The following RLF variants were observed in gnomAD, a reference collection of about 807,000 sequenced individuals.
The protein encoded by RLF is RLF zinc finger, also known as zinc finger protein Rlf.
A neutral mutation model predicts 162.9 loss-of-function variants in RLF; 7 were observed. The ratio of observed to expected loss-of-function variants is 0.04; its 90% CI spans 0.02 to 0.08. The LOEUF is 0.08. RLF is among the 10% of genes least tolerant of loss of function. RLF has a pLI of 1.00. For synonymous variants in RLF, 782 were observed against 791.5 expected, an observed-to-expected ratio of 0.99 and a Z score of 0.20; for missense variants, 1,664 against 2,244.7, an observed-to-expected ratio of 0.74 and a Z score of 5.23.
At chr1:40,200,976 C>G (rs1294516515) in intron 4 of RLF, among the ~76,000 whole-genome samples, 1 of 123,512 alleles carries the variant, frequency 8.1e-6, no homozygotes, top group East Asian at 2.6e-4. Flanking sequence ...CTACTCTACA[C>G]ACACACACCC....
At position 40,240,219 on chromosome 1, in the gene RLF, C is replaced by T; in HGVS notation, c.5517C>T (p.Asn1839=). The T allele has an allele frequency of 6.2e-7, 1 of 1,614,124 alleles. No individual in the cohort carries two copies. Among genetic ancestry groups the T allele is most frequent in the Non-Finnish European group, 8.5e-7 (1 of 1,180,016 alleles). ...CCAGTGACTCTACAATTCATGAGAACCTGACTGCAATCCCACCTTTAATAG... is the reference window on the plus strand; with the variant it reads ...CCAGTGACTCTACAATTCATGAGAATCTGACTGCAATCCCACCTTTAATAG... ...HSSSDSTIHE[N]LTAIPPLIVA... The change falls in exon 8 of 8, where the codon AAC becomes AAT. Residue 1839 remains asparagine, a synonymous_variant. Transcript: ENST00000372771.
chr1:40,213,357 T>G (rs1359626810), intron 5 of RLF, among the ~76,000 whole-genome samples: 2 of 152,188 alleles, frequency 1.3e-5, no homozygotes, highest in African/African-American at 4.8e-5. Context: ...TGTCAAGAAT[T>G]CAGCAGGACG....
intron 5 of RLF, among the ~76,000 whole-genome samples, chr1:40,215,862 G>A (rs1046263440): frequency 3.3e-5 from 5 of 151,750 alleles, no homozygotes; most frequent in South Asian, 4.2e-4. Context: ...ATAACCTAAC[G>A]ATTCACCTTA....
intron 3 of RLF, among the ~76,000 whole-genome samples, chr1:40,191,745 A>G (rs552087689): frequency 5.3e-5 from 8 of 152,272 alleles, no homozygotes; most frequent in Admixed American, 3.9e-4. Context: ...AAATAAATGC[A>G]TGCAGTCATT....
At chr1:40,191,719 T>C (rs1642560091) in intron 3 of RLF, among the ~76,000 whole-genome samples, 1 of 152,022 alleles carries the variant, frequency 6.6e-6, no homozygotes, top group African/African-American at 2.4e-5. Context: ...CCTAAAATAA[T>C]AGGACTCGTC....
At chr1:40,203,548 AAAC>A (rs1642747669) in intron 5 of RLF, among the ~76,000 whole-genome samples, 1 of 150,046 alleles carries the variant, frequency 6.7e-6, no homozygotes, top group African/African-American at 2.5e-5. Context: ...CATCTCAAAA[AAAC>A]AACAACTATT....
At chr1:40,217,476 G>A (rs894608389) in intron 5 of RLF, among the ~76,000 whole-genome samples, 2 of 150,830 alleles carry the variant, frequency 1.3e-5, no homozygotes, top group East Asian at 3.9e-4. Context: ...GTCTCTTATA[G>A]TAAAAAACAA....
chr1:40,227,538 TATTTGGGTGGGTA>T (rs977927275), intron 6 of RLF, among the ~76,000 whole-genome samples: 16 of 152,198 alleles, frequency 1.1e-4, no homozygotes, highest in Non-Finnish European at 5.9e-5. Flanking sequence ...CATGTTTATA[TATTTGGGTGGGTA>T]ATCATTTTAC....
chr1:40,217,168 A>T (rs1642935435), intron 5 of RLF, among the ~76,000 whole-genome samples: 1 of 152,078 alleles, frequency 6.6e-6, no homozygotes, highest in African/African-American at 2.4e-5. Context: ...ATACATCTGT[A>T]AAAACTCTTA....
intron 5 of RLF, among the ~76,000 whole-genome samples, chr1:40,203,046 C>CCATGACTA (rs1332810453): frequency 6.6e-6 from 1 of 151,010 alleles, no homozygotes; most frequent in African/African-American, 2.4e-5. Context: ...ACTCTAGATT[C>CCATGACTA]CATGACTACA....
At position 40,238,936 on chromosome 1, in the gene RLF, C is replaced by T. The variant is rs200531628; in HGVS notation, c.4234C>T (p.Pro1412Ser). The T allele has an allele frequency of 1.9e-6, 3 of 1,614,194 alleles. No individual in the cohort carries two copies. Among genetic ancestry groups the T allele is most frequent in the East Asian group, 2.2e-5 (1 of 44,892 alleles). Residue 1412 changes from proline (P) to serine (S), a missense_variant, in exon 8 of 8, where the codon CCT becomes TCT. Pro to Ser is a moderately conservative substitution (Grantham distance 74, BLOSUM62 -1). Transcript: ENST00000372771. This position sits in a 1 kb window ranked among gnomAD's most constrained non-coding sequence, Gnocchi z 5.2. Reference sequence around the variant, plus strand: ...TGCAGCAAGGTTTTCTTGTAACCAGCCTCAGTGCCCTGCTGTTTTTTATAC... The same window carrying T: ...TGCAGCAAGGTTTTCTTGTAACCAGTCTCAGTGCCCTGCTGTTTTTTATAC... ...GSAARFSCNQ[P>S]QCPAVFYTFN...
At chr1:40,175,412 A>C (rs1222888939) in intron 1 of RLF, among the ~76,000 whole-genome samples, 1 of 152,118 alleles carries the variant, frequency 6.6e-6, no homozygotes, top group African/African-American at 2.4e-5. Flanking sequence ...GCACTTTGGG[A>C]GGCCTAGGCA....
At position 40,237,241 on chromosome 1, in the gene RLF, G is replaced by A. The variant is rs1479124875; in HGVS notation, c.2539G>A (p.Glu847Lys). The change falls in exon 8 of 8, where the codon GAA (glutamate) becomes AAA (lysine). Residue 847 changes from glutamate to lysine, a missense_variant. By Grantham distance (56) the Glu-to-Lys change is moderately conservative (BLOSUM62 1). Transcript: ENST00000372771. This position sits in a 1 kb window ranked among gnomAD's most constrained non-coding sequence, Gnocchi z 4.4. Reference protein sequence around the residue: ...SVKLEESATGEKQDCINQPHL... With the variant: ...SVKLEESATGKKQDCINQPHL... ...GAAACTTGAGGAGTCTGCAACAGGT[G>A]AAAAGCAAGATTGTATTAATCAGCC... The A allele has an allele frequency of 6.2e-7, 1 of 1,613,960 alleles. No individual in the cohort carries two copies. Among genetic ancestry groups the A allele is most frequent in the Admixed American group, 1.7e-5 (1 of 60,002 alleles).
At position 40,161,986 on chromosome 1, in the gene RLF, C is replaced by T. The variant is rs951788910; in HGVS notation, c.237+350C>T. Among the ~76,000 whole-genome samples the T allele has an allele frequency of 1.3e-5, 2 of 152,170 alleles. No homozygotes were observed. Among genetic ancestry groups the T allele is most frequent in the African/African-American group, 2.4e-5 (1 of 41,440 alleles). The stretch of plus-strand genomic sequence containing the variant: ...GATTGCTTGTCCCTGCCGGGAGATC[C>T]TTTTTTGAGTGGAGTGCAGATCTCC... On this transcript the variant is annotated intron_variant, in intron 1 of 7. Transcript: ENST00000372771. The surrounding 1 kb of genome is among the most constrained non-coding windows in gnomAD (Gnocchi z 4.4).
chr1:40,201,680 A>G (rs1194701232), intron 4 of RLF, among the ~76,000 whole-genome samples: 2 of 151,612 alleles, frequency 1.3e-5, no homozygotes, highest in Non-Finnish European at 2.9e-5. Flanking sequence ...TGTACAGTCA[A>G]TGCCAAGTGC....
chr1:40,227,155 C>CT (rs1374242804), intron 6 of RLF, among the ~76,000 whole-genome samples: 1 of 152,164 alleles, frequency 6.6e-6, no homozygotes, highest in East Asian at 1.9e-4. Flanking sequence ...TGCTTAGTAG[C>CT]TAAATTCCTA....
chr1:40,182,169 C>G (rs538926837), intron 1 of RLF, among the ~76,000 whole-genome samples: 3 of 152,168 alleles, frequency 2.0e-5, no homozygotes, highest in African/African-American at 7.2e-5. Flanking sequence ...CATGGTGGCT[C>G]ATGCCTGTAA....
intron 7 of RLF, among the ~76,000 whole-genome samples, chr1:40,235,261 G>C (rs1272131575): frequency 1.3e-5 from 2 of 151,778 alleles, no homozygotes; most frequent in East Asian, 1.9e-4. Flanking sequence ...GGGTTTCTCC[G>C]TGTTGGTCAG....
intron 1 of RLF, among the ~76,000 whole-genome samples, chr1:40,185,520 A>G (rs1444871845): frequency 4.6e-5 from 5 of 108,818 alleles, no homozygotes; most frequent in Non-Finnish European, 8.7e-5. Context: ...CTTGCATTAA[A>G]AAAAAAAAAA....
Sources: allele counts gnomAD v4.1 joint callset (sites outside exome capture counted in the v4.1 genomes callset), GRCh38; gene constraint gnomAD v4.1.1; non-coding constraint Gnocchi (gnomAD v3.1); transcripts MANE v1.5; gene names NCBI Gene and HGNC (gene_info 2026-07-23, HGNC 2026-07-21).